DTX1: variants seen among roughly 807,000 people sequenced by gnomAD.
DTX1 encodes the protein E3 ubiquitin-protein ligase DTX1.
DTX1 carries 26 observed loss-of-function variants against 57.8 expected under a neutral mutation model. The ratio of observed to expected loss-of-function variants is 0.45; its 90% CI spans 0.33 to 0.62. The LOEUF is 0.62. Ranked by LOEUF, DTX1 falls within the 20% of genes least tolerant of loss-of-function variation. The pLI is 0.02. For missense variants in DTX1, 704 were observed against 895.3 expected, an observed-to-expected ratio of 0.79 and a Z score of 2.73; for synonymous variants, 398 against 394.1, an observed-to-expected ratio of 1.01 and a Z score of -0.12.
rs3217697 is a variant in DTX1 at position 113,093,040 on chromosome 12, C to CAG, written c.942-117_942-116dup. ...GTTTCCTGGAGGTAACTGCAGTTGG[C>CAG]AGAGAGGTACAAAGAGGCCAGGGTG... On this transcript the variant is annotated intron_variant, in intron 3 of 9. Coordinates refer to ENST00000548759, the MANE Select transcript of DTX1 (RefSeq NM_004416.3). This position sits in a 1 kb window ranked among gnomAD's most constrained non-coding sequence, Gnocchi z 4.2. The CAG allele has an allele frequency of 0.82, 690,442 of 845,550 alleles. 284,033 individuals are homozygous for CAG. Among genetic ancestry groups the CAG allele is most frequent in the African/African-American group, 0.92 (52,982 of 57,678 alleles). 52.4% of individuals were successfully genotyped at this position (845,550 alleles called of 1,614,324 possible). A position where few individuals can be genotyped will look rare whatever the true frequency, so the allele number is the denominator to read the frequency against.
chr12:113,064,490 A>G (rs1592842120), intron 2 of DTX1, among the ~76,000 whole-genome samples: 1 of 152,270 alleles, frequency 6.6e-6, no homozygotes, highest in African/African-American at 2.4e-5. Flanking sequence ...TAATCTATCC[A>G]TTTCAGATCA....
chr12:113,075,313 A>G (rs1330200712), intron 2 of DTX1, among the ~76,000 whole-genome samples: 1 of 152,168 alleles, frequency 6.6e-6, no homozygotes, highest in Non-Finnish European at 1.5e-5. Flanking sequence ...GACCCTCTGC[A>G]GCTGTTCTCA....
chr12:113,093,312 G>A lies in DTX1; in HGVS notation c.1003+89G>A. On this transcript the variant is annotated intron_variant, in intron 4 of 9. Coordinates refer to ENST00000548759, the MANE Select transcript of DTX1 (RefSeq NM_004416.3). This position sits in a 1 kb window ranked among gnomAD's most constrained non-coding sequence, Gnocchi z 4.2. ...CCCGGTGACCCCGCCCCCGAGATGG[G>A]CTGGTGAGCGTGGCCCGGAGGAAAC... 6.8e-7 allele frequency: 1 copy of A among 1,466,494 alleles called. No homozygotes were observed. Among genetic ancestry groups the A allele is most frequent in the Middle Eastern group, 2.3e-4 (1 of 4,318 alleles). The allele number at this position is 1,466,494 out of a possible 1,614,324, so 90.8% of individuals were successfully genotyped here.
rs771463239 is a variant in DTX1, at chr12:113,093,600, G to A, written c.1065G>A (p.Lys355=). ...GLPVCLTRAP[K]PILHPPPVSK... is the part of the protein sequence containing the mutation. ...CCGTGTGCCTGACGCGGGCCCCCAA[G>A]CCCATCCTGCACCCGCCGCCCGTGA... Residue 355 remains lysine (K), a synonymous_variant, in exon 5 of 10, where the codon AAG becomes AAA. Coordinates refer to ENST00000548759, the MANE Select transcript of DTX1 (RefSeq NM_004416.3). This position sits in a 1 kb window ranked among gnomAD's most constrained non-coding sequence, Gnocchi z 4.2. 7 of 1,612,344 alleles carry A rather than the reference G, an allele frequency of 4.3e-6. No homozygotes were observed. The highest frequency in any genetic ancestry group is 5.9e-6 in the Non-Finnish European group (7 of 1,179,462).
Position 113,093,916 on chromosome 12 carries a change from C to T in DTX1, c.1166-122C>T. 5 of 1,465,414 alleles carry T rather than the reference C, an allele frequency of 3.4e-6. No homozygotes were observed. The South Asian group carries it at 4.9e-5, about 14-fold the overall frequency. The allele number at this position is 1,465,414 out of a possible 1,614,324, so 90.8% of individuals were successfully genotyped here. On this transcript the variant is annotated intron_variant, in intron 5 of 9. Coordinates refer to ENST00000548759, the MANE Select transcript of DTX1 (RefSeq NM_004416.3). The surrounding 1 kb of genome is among the most constrained non-coding windows in gnomAD (Gnocchi z 4.2). The stretch of plus-strand genomic sequence containing the variant: ...TCTGACCCTGGCCAACCCTTGCCAG[C>T]CTGACCCCGGCCAACCCTTGCCAGC...
chr12:113,093,318 G>A lies in DTX1; in HGVS notation c.1003+95G>A. The A allele has an allele frequency of 6.9e-7, 1 of 1,452,358 alleles. No homozygotes were observed. The highest frequency in any genetic ancestry group is 2.1e-5 in the Admixed American group (1 of 46,750). 90.0% of individuals were successfully genotyped at this position (1,452,358 alleles called of 1,614,324 possible). On this transcript the variant is annotated intron_variant, in intron 4 of 9. Transcript: ENST00000548759. This position sits in a 1 kb window ranked among gnomAD's most constrained non-coding sequence, Gnocchi z 4.2. ...GACCCCGCCCCCGAGATGGGCTGGT[G>A]AGCGTGGCCCGGAGGAAACGCCCCC...
At chr12:113,068,756 C>T (rs915142054) in intron 2 of DTX1, among the ~76,000 whole-genome samples, 1 of 152,180 alleles carries the variant, frequency 6.6e-6, no homozygotes, top group African/African-American at 2.4e-5. Context: ...CCCCCGGCGC[C>T]ATGTGAGAAT....
Position 113,094,113 on chromosome 12 carries a change from G to A in DTX1, c.1227+14G>A. On this transcript the variant is annotated intron_variant, in intron 6 of 9. Coordinates refer to ENST00000548759, the MANE Select transcript of DTX1 (RefSeq NM_004416.3). ...CCACCTGATGAGGTGAGGAGGGGAT[G>A]GGGGGGCTGGGGGAGGGCCCTGGCA... 2.7e-6 allele frequency: 4 copies of A among 1,480,342 alleles called. No individual in the cohort carries two copies. Among genetic ancestry groups the A allele is most frequent in the Non-Finnish European group, 3.7e-6 (4 of 1,080,732 alleles). 91.7% of individuals were successfully genotyped at this position (1,480,342 alleles called of 1,614,324 possible). A position where few individuals can be genotyped will look rare whatever the true frequency, so the allele number is the denominator to read the frequency against.
In DTX1 at chr12:113,077,064, G is replaced by A. The variant is rs977141256; in HGVS notation, c.260-360G>A. Among the ~76,000 whole-genome samples, 15 of 152,140 alleles carry A rather than the reference G, an allele frequency of 9.9e-5. No homozygotes were observed. The highest frequency in any genetic ancestry group is 6.5e-4 in the Admixed American group (10 of 15,302). ...CACACCTTGCTGGTTTCCTACCCCAGGCTATCTTGGCACCCCCACCCTGTT... is the reference window on the plus strand; with the variant it reads ...CACACCTTGCTGGTTTCCTACCCCAAGCTATCTTGGCACCCCCACCCTGTT... On this transcript the variant is annotated intron_variant, in intron 2 of 9. Transcript: ENST00000548759. The surrounding 1 kb of genome is among the most constrained non-coding windows in gnomAD (Gnocchi z 7.8).
chr12:113,093,465 A>T lies in DTX1; in HGVS notation c.1004-74A>T. The T allele has an allele frequency of 2.0e-6, 2 of 990,660 alleles. No individual in the cohort carries two copies. Among genetic ancestry groups the T allele is most frequent in the Non-Finnish European group, 2.8e-6 (2 of 709,440 alleles). The allele number at this position is 990,660 out of a possible 1,614,324, so 61.4% of individuals were successfully genotyped here. A position where few individuals can be genotyped will look rare whatever the true frequency, so the allele number is the denominator to read the frequency against. On this transcript the variant is annotated intron_variant, in intron 4 of 9. Coordinates refer to ENST00000548759, the MANE Select transcript of DTX1 (RefSeq NM_004416.3). This position sits in a 1 kb window ranked among gnomAD's most constrained non-coding sequence, Gnocchi z 4.2. ...CTCCCACCCACCCGAGGGCCCCGGG[A>T]TTCCCAGGGCCAGTGGTCGGGGGTT...
At chr12:113,085,328 G>A (rs1336670810) in intron 3 of DTX1, among the ~76,000 whole-genome samples, 1 of 152,190 alleles carries the variant, frequency 6.6e-6, no homozygotes, top group Non-Finnish European at 1.5e-5. Context: ...GGGATTACAG[G>A]CGTGAGCCAC....
At chr12:113,085,358 T>C (rs2044849540) in intron 3 of DTX1, among the ~76,000 whole-genome samples, 1 of 152,124 alleles carries the variant, frequency 6.6e-6, no homozygotes, top group Non-Finnish European at 1.5e-5. Flanking sequence ...CCAGGCCTGC[T>C]CCCATTTTAA....
At position 113,077,667 on chromosome 12, in the gene DTX1, G is replaced by C. The variant is rs867266408; in HGVS notation, c.503G>C (p.Arg168Pro). 1.3e-6 allele frequency: 2 copies of C among 1,572,348 alleles called. No homozygotes were observed. Among genetic ancestry groups the C allele is most frequent in the East Asian group, 2.4e-5 (1 of 42,164 alleles). The change falls in exon 3 of 10, where the codon CGC becomes CCC. Residue 168 changes from arginine to proline, a missense_variant. Arg to Pro is a moderately radical substitution (Grantham distance 103). Coordinates refer to ENST00000548759, the MANE Select transcript of DTX1 (RefSeq NM_004416.3). The surrounding 1 kb of genome is among the most constrained non-coding windows in gnomAD (Gnocchi z 7.8). ...AACCGCCAGACGCGCCGGCGCCGCCGCCTGCGCCGCCGCCTGGACCTCGCC... is the reference window on the plus strand; with the variant it reads ...AACCGCCAGACGCGCCGGCGCCGCCCCCTGCGCCGCCGCCTGGACCTCGCC... ...QMNRQTRRRR[R>P]LRRRLDLAYP...
At chr12:113,082,534 G>GT (rs1229159664) in intron 3 of DTX1, among the ~76,000 whole-genome samples, 1 of 152,172 alleles carries the variant, frequency 6.6e-6, no homozygotes, top group African/African-American at 2.4e-5. Context: ...TCTACCCACT[G>GT]TCACTCTCGT....
Position 113,058,027 on chromosome 12 carries a change from C to A in DTX1, c.-166C>A. 8.7e-7 allele frequency: 1 copy of A among 1,154,116 alleles called. No homozygotes were observed. The highest frequency in any genetic ancestry group is 1.2e-6 in the Non-Finnish European group (1 of 844,322). The allele number at this position is 1,154,116 out of a possible 1,614,324, so 71.5% of individuals were successfully genotyped here. A position where few individuals can be genotyped will look rare whatever the true frequency, so the allele number is the denominator to read the frequency against. On this transcript the variant is annotated 5_prime_UTR_variant, in exon 2 of 10. Coordinates refer to ENST00000548759, the MANE Select transcript of DTX1 (RefSeq NM_004416.3). ...GCAGCCTGGATGGCCATCCCACATT[C>A]CTTTAACGGAGGTCTCTAGGCCTCA...
Position 113,093,317 on chromosome 12 carries a change from T to C in DTX1, c.1003+94T>C, listed in dbSNP as rs1286009372. 8.3e-6 allele frequency: 12 copies of C among 1,453,480 alleles called. No homozygotes were observed. The East Asian group carries it at 3.0e-4, about 36-fold the overall frequency. The allele number at this position is 1,453,480 out of a possible 1,614,324, so 90.0% of individuals were successfully genotyped here. ...TGACCCCGCCCCCGAGATGGGCTGG[T>C]GAGCGTGGCCCGGAGGAAACGCCCC... On this transcript the variant is annotated intron_variant, in intron 4 of 9. Coordinates refer to ENST00000548759, the MANE Select transcript of DTX1 (RefSeq NM_004416.3). This position sits in a 1 kb window ranked among gnomAD's most constrained non-coding sequence, Gnocchi z 4.2.
intron 3 of DTX1, among the ~76,000 whole-genome samples, chr12:113,083,211 C>T (rs1422821194): frequency 2.0e-5 from 3 of 152,174 alleles, no homozygotes; most frequent in Admixed American, 1.3e-4. Flanking sequence ...TTAAAGACCC[C>T]GTCTCTAAAT....
chr12:113,068,185 TATTC>T (rs2044716865), intron 2 of DTX1, among the ~76,000 whole-genome samples: 1 of 152,254 alleles, frequency 6.6e-6, no homozygotes, highest in Admixed American at 6.5e-5. Flanking sequence ...TGTATTTGGT[TATTC>T]ATTCATTTAT....
rs3038193 is a variant in DTX1, at chr12:113,079,515, C to CTTTTTTT, written c.941+1434_941+1440dup. Among the ~76,000 whole-genome samples, 23 of 77,180 alleles carry CTTTTTTT rather than the reference C, an allele frequency of 3.0e-4. 5 individuals carry two copies. The highest frequency in any genetic ancestry group is 1.1e-3 in the African/African-American group (18 of 16,446). The allele number at this position is 77,180 out of a possible 152,430, so 50.6% of individuals were successfully genotyped here. A position where few individuals can be genotyped will look rare whatever the true frequency, so the allele number is the denominator to read the frequency against. On this transcript the variant is annotated intron_variant, in intron 3 of 9. Transcript: ENST00000548759. ...TTCGAATCCCCTCTTGGCCACTTCT[C>CTTTTTTT]TTTTTTTTTTTTTTTTTTTTTTTTT...
Sources: gnomAD v4.1 joint callset for allele counts (sites outside exome capture counted in the v4.1 genomes callset) on GRCh38, gnomAD v4.1.1 for gene constraint, Gnocchi (gnomAD v3.1) non-coding constraint, MANE v1.5 for transcripts, NCBI Gene and HGNC (gene_info 2026-07-23, HGNC 2026-07-21) for gene names.